Variants in SARDH observed in about 807,000 individuals in gnomAD.
SARDH encodes the protein sarcosine dehydrogenase, mitochondrial.
Under a neutral mutation model 109.1 loss-of-function variants are expected in SARDH, and 95 were observed. That is an observed-to-expected ratio of 0.87 (90% CI 0.74 to 1.03). The LOEUF is 1.03. Ranked by LOEUF, SARDH falls within the 50% of genes least tolerant of loss-of-function variation. The pLI is 0.00. For synonymous variants in SARDH, 572 were observed against 534.8 expected, an observed-to-expected ratio of 1.07 and a Z score of -0.96; for missense variants, 1,267 against 1,287.8, an observed-to-expected ratio of 0.98 and a Z score of 0.25.
chr9:133,715,606 GC>G (rs1157320880), intron 8 of SARDH, among the ~76,000 whole-genome samples: 8 of 152,174 alleles, frequency 5.3e-5, no homozygotes, highest in Non-Finnish European at 1.2e-4. Context: ...GACAGAGGGG[GC>G]TGGACTCCTC....
In SARDH at chr9:133,690,228, A is replaced by T. The variant is rs1050924474; in HGVS notation, c.2069+152T>A. On this transcript the variant is annotated intron_variant, in intron 16 of 20. Transcript: ENST00000439388. ...TTATCTGCATTCCAGTGCTTTGAAG[A>T]TATTTATTCAGAATGGCATCTCTGG... 5 of 799,870 alleles carry T rather than the reference A, an allele frequency of 6.3e-6. No homozygotes were observed. The African/African-American group carries it at 8.6e-5, about 14-fold the overall frequency. 49.5% of individuals were successfully genotyped at this position (799,870 alleles called of 1,614,324 possible).
chr9:133,734,460 C>T (rs111607513), intron 1 of SARDH, among the ~76,000 whole-genome samples: 71 of 147,070 alleles, frequency 4.8e-4, no homozygotes, highest in Non-Finnish European at 8.0e-4. Context: ...CATTCATTCA[C>T]TCATTCATTC....
intron 17 of SARDH, among the ~76,000 whole-genome samples, chr9:133,683,218 G>A (rs2519129): frequency 0.44 from 67,530 of 152,102 alleles, 16,285 homozygotes; most frequent in African/African-American, 0.65. Context: ...GCCAGCCCCA[G>A]GAGAGGGGAG....
chr9:133,701,255 C>CT (rs1831474257), intron 13 of SARDH, among the ~76,000 whole-genome samples: 1 of 152,256 alleles, frequency 6.6e-6, no homozygotes, highest in Non-Finnish European at 1.5e-5. Flanking sequence ...AGCCAGCTTC[C>CT]TCCCCTCTGC....
chr9:133,722,232 A>G (rs1832349309), intron 6 of SARDH, among the ~76,000 whole-genome samples: 1 of 152,262 alleles, frequency 6.6e-6, no homozygotes, highest in Non-Finnish European at 1.5e-5. Flanking sequence ...TCAACAAAGT[A>G]CAGGACAAAA....
At chr9:133,726,394 A>ATAATAATAATAG (rs59172198) in intron 6 of SARDH, among the ~76,000 whole-genome samples, 149 of 132,336 alleles carry the variant, frequency 1.1e-3, no homozygotes, top group East Asian at 0.01. Context: ...AATAATAATA[A>ATAATAATAATAG]TAGTAGTAGT....
rs369428435 is a variant in SARDH, at chr9:133,712,603, C to G, written c.1328+16G>C. 6 of 1,599,720 alleles carry G rather than the reference C, an allele frequency of 3.8e-6. No individual in the cohort carries two copies. Among genetic ancestry groups the G allele is most frequent in the Non-Finnish European group, 5.1e-6 (6 of 1,175,000 alleles). ...TGAGTGGCGGGCCCTGCCCTTAGGT[C>G]CCAATGGGCACTTACCTGATGTCAT... On this transcript the variant is annotated intron_variant, in intron 10 of 20. Coordinates refer to ENST00000439388, the MANE Select transcript of SARDH (RefSeq NM_001134707.2). The surrounding 1 kb of genome is among the most constrained non-coding windows in gnomAD (Gnocchi z 4.1).
chr9:133,680,832 G>A (rs1312208996), intron 17 of SARDH, among the ~76,000 whole-genome samples: 2 of 152,224 alleles, frequency 1.3e-5, no homozygotes, highest in South Asian at 2.1e-4. Flanking sequence ...GAGAGCTGCC[G>A]GGAGGACAAG....
chr9:133,672,812 C>T (rs148727685), intron 17 of SARDH, among the ~76,000 whole-genome samples: 1 of 152,344 alleles, frequency 6.6e-6, no homozygotes, highest in African/African-American at 2.4e-5. Context: ...AGATTGCCGT[C>T]GCAGACGGGC....
At chr9:133,707,052 A>G (rs1382410003) in intron 11 of SARDH, among the ~76,000 whole-genome samples, 2 of 152,176 alleles carry the variant, frequency 1.3e-5, no homozygotes, top group Non-Finnish European at 2.9e-5. Context: ...TGTTCATCTC[A>G]AGAGCCCATT....
intron 6 of SARDH, among the ~76,000 whole-genome samples, chr9:133,722,805 G>A (rs146274320): frequency 1.2e-3 from 183 of 152,126 alleles, no homozygotes; most frequent in African/African-American, 4.2e-3. Flanking sequence ...CTACCGAGTA[G>A]CTGGGACCAT....
At chr9:133,713,214 G>T in intron 8 of SARDH, 90 bp from the exon 9 acceptor site, 2 of 1,160,318 alleles carry the variant, frequency 1.7e-6, no homozygotes, top group Non-Finnish European at 2.5e-6. Flanking sequence ...ATCAGGCAGG[G>T]TCTGCAGGGG....
At position 133,696,252 on chromosome 9, in the gene SARDH, A is replaced by G. The variant is rs1411489138; in HGVS notation, c.1778T>C (p.Leu593Pro). 1.2e-6 allele frequency: 2 copies of G among 1,614,084 alleles called. No individual in the cohort carries two copies. The highest frequency in any genetic ancestry group is 2.2e-5 in the East Asian group (1 of 44,874). ...GGGTCGGCTGACATCTGCGGAGAAGAGCCAGTCGGCAGCCTTCCTTGCATC... is the reference window on the plus strand; with the variant it reads ...GGGTCGGCTGACATCTGCGGAGAAGGGCCAGTCGGCAGCCTTCCTTGCATC... ...GLDARKAADWLFSADVSRPPG... is the reference protein window; with the variant it reads ...GLDARKAADWPFSADVSRPPG... The change falls in exon 14 of 21, where the codon CTC becomes CCC. Residue 593 changes from leucine (L) to proline (P), a missense_variant. Leu to Pro is a moderately conservative substitution (Grantham distance 98). Coordinates refer to ENST00000439388, the MANE Select transcript of SARDH (RefSeq NM_001134707.2).
chr9:133,730,399 G>T (rs1374340959), intron 4 of SARDH, among the ~76,000 whole-genome samples: 5 of 151,772 alleles, frequency 3.3e-5, no homozygotes, highest in African/African-American at 1.2e-4. Flanking sequence ...TTGAAAGTTG[G>T]GCAAGTTCTT....
chr9:133,710,129 T>TGAA (rs1303856469), intron 10 of SARDH, among the ~76,000 whole-genome samples: 2 of 152,152 alleles, frequency 1.3e-5, no homozygotes, highest in Admixed American at 1.3e-4. Context: ...GGAATTTCCC[T>TGAA]GAAAAAACAG....
chr9:133,670,722 G>T lies in SARDH; in HGVS notation c.2357C>A (p.Pro786Gln). 2 of 1,597,106 alleles carry T rather than the reference G, an allele frequency of 1.3e-6. No individual in the cohort carries two copies. The highest frequency in any genetic ancestry group is 1.7e-6 in the Non-Finnish European group (2 of 1,172,640). The part of the protein sequence containing the change: ...GYRHWHADLR[P>Q]DDSPLEAGLA... ...GCCTGCCTCCAGGGGGCTGTCGTCTGGCCGCAGGTCCGCGTGCCAGTGCCG... is the reference window on the plus strand; with the variant it reads ...GCCTGCCTCCAGGGGGCTGTCGTCTTGCCGCAGGTCCGCGTGCCAGTGCCG... The change falls in exon 19 of 21, where the codon CCA (proline) becomes CAA (glutamine). Residue 786 changes from proline to glutamine, a missense_variant. By Grantham distance (76) the Pro-to-Gln change is moderately conservative. Transcript: ENST00000439388.
In SARDH at chr9:133,704,799, G is replaced by T; in HGVS notation, c.1554+149C>A. 1.5e-6 allele frequency: 1 copy of T among 669,170 alleles called. No individual in the cohort carries two copies. Among genetic ancestry groups the T allele is most frequent in the Non-Finnish European group, 2.6e-6 (1 of 383,798 alleles). 41.5% of individuals were successfully genotyped at this position (669,170 alleles called of 1,614,324 possible). ...CCTTGGGGGCAGGTCGGCAGGGCTCGGCTTCCCGTGTGCAGAATAACTGAT... is the reference window on the plus strand; with the variant it reads ...CCTTGGGGGCAGGTCGGCAGGGCTCTGCTTCCCGTGTGCAGAATAACTGAT... On this transcript the variant is annotated intron_variant, in intron 12 of 20. Transcript: ENST00000439388. This position sits in a 1 kb window ranked among gnomAD's most constrained non-coding sequence, Gnocchi z 4.5.
chr9:133,662,321 G>A (rs989539885), downstream of SARDH, among the ~76,000 whole-genome samples: 4 of 152,124 alleles, frequency 2.6e-5, no homozygotes, highest in African/African-American at 9.7e-5. This position sits in a 1 kb window ranked among gnomAD's most constrained non-coding sequence, Gnocchi z 5.1. Flanking sequence ...GGGATGGGCC[G>A]TGAGATGAAT....
chr9:133,712,739 T>G lies in SARDH; in HGVS notation c.1238-30A>C, dbSNP rs776963839. 27 of 1,592,796 alleles carry G rather than the reference T, an allele frequency of 1.7e-5. No homozygotes were observed. In the South Asian group the frequency reaches 3.0e-4, roughly 18 times the overall value. On this transcript the variant is annotated intron_variant, in intron 9 of 20. Transcript: ENST00000439388. The surrounding 1 kb of genome is among the most constrained non-coding windows in gnomAD (Gnocchi z 4.1). The stretch of plus-strand genomic sequence containing the variant: ...CAGGAAGAGAAGCGCAGGGCTGCGG[T>G]CTGCCCCCCAGGGTCCCCCACCCAT...
Sources: allele counts gnomAD v4.1 joint callset (sites outside exome capture counted in the v4.1 genomes callset), GRCh38; gene constraint gnomAD v4.1.1; non-coding constraint Gnocchi (gnomAD v3.1); transcripts MANE v1.5; gene names NCBI Gene and HGNC (gene_info 2026-07-23, HGNC 2026-07-21).